PALLD: variants seen among roughly 807,000 people sequenced by gnomAD.
PALLD encodes the protein palladin, cytoskeletal associated protein.
Under a neutral mutation model 123.5 loss-of-function variants are expected in PALLD, and 61 were observed. The observed-to-expected ratio is 0.49, with a 90% CI of 0.40 to 0.61. The LOEUF is 0.61. Among genes scored for constraint, PALLD ranks in the 20% least tolerant of loss-of-function variants. The probability of loss-of-function intolerance (pLI) is 0.00; values close to 1 mark genes in which losing one functional copy is unlikely to be tolerated. For synonymous variants in PALLD, 465 were observed against 496.4 expected (o/e 0.94, Z 0.84); for missense variants, 1,273 against 1,377.0 (o/e 0.92, Z 1.20).
intron 2 of PALLD, among the ~76,000 whole-genome samples, chr4:168,655,014 T>C (rs990177722): frequency 2.6e-5 from 4 of 152,244 alleles, no homozygotes; most frequent in East Asian, 1.9e-4. Flanking sequence ...TGTAATAGTG[T>C]AATTTCACTT....
At chr4:168,891,159 C>CATT (rs532522787) in intron 11 of PALLD, 102 bp downstream of exon 11, 20 of 1,136,652 alleles carry the variant, frequency 1.8e-5, no homozygotes, top group Middle Eastern at 1.9e-4. Context: ...ACAACATCAT[C>CATT]ATTATTATTA....
At chr4:168,665,576 A>C (rs1461820208) in intron 2 of PALLD, among the ~76,000 whole-genome samples, 1 of 152,182 alleles carries the variant, frequency 6.6e-6, no homozygotes, top group Non-Finnish European at 1.5e-5. Flanking sequence ...AACAAACAAA[A>C]AAAATGGTTG....
chr4:168,649,589 A>G (rs1011160543), intron 2 of PALLD, among the ~76,000 whole-genome samples: 1 of 152,224 alleles, frequency 6.6e-6, no homozygotes, highest in Non-Finnish European at 1.5e-5. Context: ...GAAAGAAATT[A>G]TAACAGCCAG....
chr4:168,754,881 A>G (rs6852874), intron 10 of PALLD, among the ~76,000 whole-genome samples: 55,738 of 152,052 alleles, frequency 0.37, 10,855 homozygotes, highest in Non-Finnish European at 0.44. Flanking sequence ...AGTCTGGGAG[A>G]CAGTTAATAG....
At chr4:168,905,976 G>T in intron 15 of PALLD, among the ~76,000 whole-genome samples, 1 of 151,538 alleles carries the variant, frequency 6.6e-6, no homozygotes. Context: ...TTCACCTCAG[G>T]TGATCCACCT....
chr4:168,710,939 T>C (rs749852520), intron 9 of PALLD, among the ~76,000 whole-genome samples: 2 of 151,912 alleles, frequency 1.3e-5, no homozygotes, highest in Non-Finnish European at 2.9e-5. Flanking sequence ...ATAAGCATTT[T>C]TGAGTGCATG....
At chr4:168,863,036 G>A (rs899387154) in intron 10 of PALLD, among the ~76,000 whole-genome samples, 5 of 152,156 alleles carry the variant, frequency 3.3e-5, no homozygotes, top group African/African-American at 4.8e-5. Flanking sequence ...AGCCTCTTCC[G>A]ATAAATGCTA....
At chr4:168,563,250 A>C (rs931890273) in intron 2 of PALLD, among the ~76,000 whole-genome samples, 5 of 152,236 alleles carry the variant, frequency 3.3e-5, no homozygotes, top group African/African-American at 1.2e-4. Flanking sequence ...TAGTGATCTC[A>C]GAGCAGTTGT....
At chr4:168,649,497 T>G (rs1777819700) in intron 2 of PALLD, among the ~76,000 whole-genome samples, 1 of 152,202 alleles carries the variant, frequency 6.6e-6, no homozygotes, top group South Asian at 2.1e-4. Context: ...TGGAAGACAT[T>G]AGTTGCCTGC....
chr4:168,580,524 G>T (rs1770145838), intron 2 of PALLD, among the ~76,000 whole-genome samples: 1 of 152,062 alleles, frequency 6.6e-6, no homozygotes, highest in Admixed American at 6.6e-5. Context: ...CACTGCTGGT[G>T]AGAGTATAAA....
At chr4:168,542,441 C>A (rs1448338772) in intron 2 of PALLD, among the ~76,000 whole-genome samples, 1 of 151,336 alleles carries the variant, frequency 6.6e-6, no homozygotes, top group Non-Finnish European at 1.5e-5. Context: ...AAAAAAAAAA[C>A]TGCTGCACCC....
At chr4:168,909,658 T>G (rs956377548) in intron 15 of PALLD, among the ~76,000 whole-genome samples, 1 of 152,136 alleles carries the variant, frequency 6.6e-6, no homozygotes, top group Non-Finnish European at 1.5e-5. Context: ...AATGAGAAAA[T>G]TAATAAAAGC....
intron 2 of PALLD, chr4:168,537,606 C>T (rs1038266205): frequency 2.6e-5 from 4 of 152,204 alleles, no homozygotes; most frequent in African/African-American, 9.6e-5. Flanking sequence ...ACTTACACTA[C>T]TAATGAGACT....
chr4:168,894,669 G>A lies in PALLD; in HGVS notation c.2191G>A (p.Ala731Thr), dbSNP rs147151489. The A allele has an allele frequency of 1.2e-6, 2 of 1,613,198 alleles. No individual in the cohort carries two copies. The highest frequency in any genetic ancestry group is 1.7e-6 in the Non-Finnish European group (2 of 1,179,382). The change falls in exon 12 of 22, where the codon GCT (alanine) becomes ACT (threonine). Residue 731 changes from alanine (A) to threonine (T), a missense_variant. Around this residue, in one of 2 missense-constraint regions of PALLD, gnomAD observed 944 missense variants for 954.5 expected, o/e 0.99. Coordinates refer to ENST00000505667, the MANE Select transcript of PALLD (RefSeq NM_001166108.2). ...FNIQEPEEET[A>T]NQDIGSPHAS... is the part of the protein sequence containing the mutation. ...TATTCAGGAGCCAGAAGAGGAAACA[G>A]CTAATCAGGTACCATGTTGCTCTGG... is the stretch of plus-strand genomic sequence containing the variant.
intron 10 of PALLD, among the ~76,000 whole-genome samples, chr4:168,866,139 C>T (rs1490859995): frequency 6.6e-6 from 1 of 151,964 alleles, no homozygotes; most frequent in African/African-American, 2.4e-5. Flanking sequence ...GTGGCACACA[C>T]CAGTAGTTCC....
intron 10 of PALLD, among the ~76,000 whole-genome samples, chr4:168,766,179 A>C (rs976749823): frequency 1.3e-5 from 2 of 152,222 alleles, no homozygotes; most frequent in Admixed American, 6.5e-5. Flanking sequence ...AGTAACCACA[A>C]TAGGTTCTTA....
intron 10 of PALLD, among the ~76,000 whole-genome samples, chr4:168,881,172 TG>T (rs1041458364): frequency 2.6e-5 from 4 of 152,224 alleles, no homozygotes; most frequent in Non-Finnish European, 5.9e-5. Flanking sequence ...CTCAAAGTGC[TG>T]GGATTACAGG....
intron 10 of PALLD, chr4:168,864,537 C>T (rs948318865): frequency 3.9e-5 from 6 of 152,128 alleles, no homozygotes; most frequent in Admixed American, 2.0e-4. Flanking sequence ...CTGTGTATCT[C>T]GGCGCACAGA....
chr4:168,719,303 G>A (rs1316127465), intron 10 of PALLD, among the ~76,000 whole-genome samples: 2 of 131,656 alleles, frequency 1.5e-5, no homozygotes, highest in African/African-American at 5.7e-5. Flanking sequence ...TGTCACCCAG[G>A]CTGGAGTGCA....
Sources: gnomAD v4.1 joint callset for allele counts (sites outside exome capture counted in the v4.1 genomes callset) on GRCh38, gnomAD v4.1.1 for gene constraint, gnomAD v4.1.1 regional missense constraint, MANE v1.5 for transcripts, NCBI Gene and HGNC (gene_info 2026-07-23, HGNC 2026-07-21) for gene names.